The following LTAP1 variants were observed in gnomAD, a reference collection of about 807,000 sequenced individuals.
LTAP1 encodes lipid transport auxiliary protein 1.
At chr1:154,212,165 T>C in the LTAP1 span, 1 of 860,200 alleles carries the variant, frequency 1.2e-6, no homozygotes, top group Non-Finnish European at 1.9e-6. Flanking sequence ...CCGCATCTGC[T>C]TTCTAATGTA....
chr1:154,217,436 T>C, the LTAP1 span, among the ~76,000 whole-genome samples: 1 of 152,232 alleles, frequency 6.6e-6, no homozygotes, highest in African/African-American at 2.4e-5. Context: ...TGTACTCTTT[T>C]ACAGTTCTGC....
At chr1:154,211,298 C>T in the LTAP1 span, among the ~76,000 whole-genome samples, 6 of 146,826 alleles carry the variant, frequency 4.1e-5, no homozygotes, top group Non-Finnish European at 7.4e-5. Flanking sequence ...CCACCGCGCC[C>T]GGCCAAAAAT....
At chr1:154,207,226 G>A in the LTAP1 span, 1 of 404,816 alleles carries the variant, frequency 2.5e-6, no homozygotes, top group Non-Finnish European at 4.4e-6. Context: ...AGAAAAAAGC[G>A]CTACTGGGGG....
chr1:154,214,905 C>T, the LTAP1 span, among the ~76,000 whole-genome samples: 4 of 149,482 alleles, frequency 2.7e-5, no homozygotes, highest in Non-Finnish European at 3.0e-5. Context: ...AGTGCAGTGG[C>T]GCAATCTCAG....
the LTAP1 span, chr1:154,212,549 A>C: frequency 6.2e-7 from 1 of 1,614,110 alleles, no homozygotes; most frequent in Admixed American, 1.7e-5. Context: ...AGTGTTTCGC[A>C]GATCCAGCAG....
At chr1:154,207,434 C>T in the LTAP1 span, 1 of 1,612,718 alleles carries the variant, frequency 6.2e-7, no homozygotes, top group East Asian at 2.2e-5. Flanking sequence ...TAATCTACGG[C>T]AAGAGTCCTT....
chr1:154,211,324 CTTTTTTTTT>C, the LTAP1 span, among the ~76,000 whole-genome samples: 7 of 34,040 alleles, frequency 2.1e-4, 1 homozygote, highest in East Asian at 9.3e-4. Flanking sequence ...TTATTTAATT[CTTTTTTTTT>C]TTTTTTTTTT....
At chr1:154,211,560 C>T in the LTAP1 span, among the ~76,000 whole-genome samples, 1 of 151,036 alleles carries the variant, frequency 6.6e-6, no homozygotes, top group Non-Finnish European at 1.5e-5. Context: ...TGGTCTTGAT[C>T]TCTTGACCTC....
At chr1:154,214,555 T>C in the LTAP1 span, 1 of 1,611,346 alleles carries the variant, frequency 6.2e-7, no homozygotes, top group Non-Finnish European at 8.5e-7. Context: ...GAGTCGAATA[T>C]CAATCTCCTC....
the LTAP1 span, among the ~76,000 whole-genome samples, chr1:154,210,925 G>A: frequency 6.6e-6 from 1 of 152,152 alleles, no homozygotes. Context: ...ATGCTCAACA[G>A]CTGACTCTAT....
chr1:154,213,717 G>A, the LTAP1 span, among the ~76,000 whole-genome samples: 2 of 152,166 alleles, frequency 1.3e-5, no homozygotes, highest in Non-Finnish European at 2.9e-5. Flanking sequence ...AGAATAACCT[G>A]CTTATATCAT....
At chr1:154,215,488 C>A in the LTAP1 span, among the ~76,000 whole-genome samples, 1 of 151,466 alleles carries the variant, frequency 6.6e-6, no homozygotes, top group African/African-American at 2.4e-5. Context: ...ATGGCGTGAA[C>A]CCGGGAGGCA....
chr1:154,209,536 G>C, the LTAP1 span, among the ~76,000 whole-genome samples: 1 of 145,926 alleles, frequency 6.9e-6, no homozygotes, highest in African/African-American at 2.5e-5. Context: ...AGTGGTACAC[G>C]CACCTCAGCT....
chr1:154,212,665 T>C, the LTAP1 span: 2 of 1,609,990 alleles, frequency 1.2e-6, no homozygotes. Flanking sequence ...TCTCATTCTT[T>C]AGTCTTTTTT....
the LTAP1 span, among the ~76,000 whole-genome samples, chr1:154,208,057 C>T: frequency 1.3e-5 from 2 of 151,378 alleles, no homozygotes; most frequent in East Asian, 3.9e-4. Flanking sequence ...AAGATTGCGC[C>T]ACTGCACTTC....
chr1:154,208,305 A>C, the LTAP1 span, among the ~76,000 whole-genome samples: 1 of 152,080 alleles, frequency 6.6e-6, no homozygotes, highest in African/African-American at 2.4e-5. Context: ...CTGAGGCAGG[A>C]GGATCGCTTG....
the LTAP1 span, chr1:154,212,618 G>A: frequency 6.2e-7 from 1 of 1,614,012 alleles, no homozygotes; most frequent in Non-Finnish European, 8.5e-7. Flanking sequence ...AGAATGAAAT[G>A]GGATCTCTGT....
At chr1:154,214,085 C>G in the LTAP1 span, 1 of 692,066 alleles carries the variant, frequency 1.4e-6, no homozygotes, top group Admixed American at 2.7e-5. Context: ...TGAGACCAGC[C>G]TGACCAACAT....
the LTAP1 span, among the ~76,000 whole-genome samples, chr1:154,215,681 A>C: frequency 6.6e-6 from 1 of 152,164 alleles, no homozygotes; most frequent in Non-Finnish European, 1.5e-5. Flanking sequence ...CCAGGAAATA[A>C]ATTTTTTGTT....
Sources: gnomAD v4.1 joint callset for allele counts (sites outside exome capture counted in the v4.1 genomes callset) on GRCh38, gnomAD v4.1.1 for gene constraint, MANE v1.5 for transcripts, NCBI Gene and HGNC (gene_info 2026-07-23, HGNC 2026-07-21) for gene names.